Variants in IQCM observed in about 807,000 individuals in gnomAD.
IQCM encodes the protein IQ domain-containing protein M.
IQCM carries 45 observed loss-of-function variants against 57.6 expected under a neutral mutation model. The observed-to-expected ratio is 0.78, with a 90% CI of 0.62 to 1.00. The LOEUF (loss-of-function observed/expected upper bound fraction) is 1.00. Ranked by LOEUF, IQCM falls within the 50% of genes least tolerant of loss-of-function variation. The pLI is 0.00. For synonymous variants in IQCM, 148 were observed against 158.9 expected, an observed-to-expected ratio of 0.93 and a Z score of 0.51; for missense variants, 468 against 511.6, an observed-to-expected ratio of 0.91 and a Z score of 0.82.
intron 12 of IQCM, among the ~76,000 whole-genome samples, chr4:149,486,765 A>G (rs138762124): frequency 6.6e-6 from 1 of 151,956 alleles, no homozygotes. Context: ...ACAAACAAAA[A>G]AGCCCAAGAG....
At chr4:149,728,697 T>C (rs1344998439) in intron 5 of IQCM, among the ~76,000 whole-genome samples, 4 of 152,186 alleles carry the variant, frequency 2.6e-5, no homozygotes, top group African/African-American at 7.2e-5. Flanking sequence ...CCCCATCTAT[T>C]TTCCAAGTAC....
rs539315098 is a variant in IQCM at position 149,636,799 on chromosome 4, C to T, written c.566-15555G>A. 3.9e-4 allele frequency among the ~76,000 whole-genome samples: 59 copies of T among 152,162 alleles called. 2 individuals carry two copies. Among genetic ancestry groups the T allele is most frequent in the African/African-American group, 1.3e-3 (56 of 41,496 alleles). Reference sequence around the variant, plus strand: ...TGTTTTTATTAACAGATGATATGACCAAGTATGTAGAAATCCTGATAAATC... The same window carrying T: ...TGTTTTTATTAACAGATGATATGACTAAGTATGTAGAAATCCTGATAAATC... On this transcript the variant is annotated intron_variant, in intron 7 of 13. Transcript: ENST00000636793.
intron 5 of IQCM, among the ~76,000 whole-genome samples, chr4:149,698,269 A>G (rs960612556): frequency 2.6e-5 from 4 of 152,060 alleles, no homozygotes; most frequent in African/African-American, 4.8e-5. Flanking sequence ...CACTTAGCAA[A>G]GTTTACATTT....
At chr4:149,476,386 A>C (rs1740193396) in intron 12 of IQCM, among the ~76,000 whole-genome samples, 1 of 152,182 alleles carries the variant, frequency 6.6e-6, no homozygotes, top group South Asian at 2.1e-4. Context: ...ATGATGAGTA[A>C]GGATTTGTAT....
intron 7 of IQCM, among the ~76,000 whole-genome samples, chr4:149,660,697 T>C (rs554276090): frequency 4.2e-3 from 643 of 152,076 alleles, no homozygotes; most frequent in Non-Finnish European, 6.7e-3. Flanking sequence ...ATGGATGAAA[T>C]TGGAAATCAT....
intron 8 of IQCM, among the ~76,000 whole-genome samples, chr4:149,601,153 G>T (rs1425699346): frequency 1.3e-5 from 2 of 152,114 alleles, no homozygotes; most frequent in Non-Finnish European, 2.9e-5. Context: ...ACTTTAAAGT[G>T]CTTATAAATC....
intron 13 of IQCM, among the ~76,000 whole-genome samples, chr4:149,374,848 G>T (rs543340425): frequency 6.6e-6 from 1 of 152,136 alleles, no homozygotes; most frequent in East Asian, 1.9e-4. Context: ...CAAAAAAGGA[G>T]TTTAGGTGCT....
chr4:149,673,323 C>T (rs1761468812), intron 7 of IQCM, among the ~76,000 whole-genome samples: 1 of 151,974 alleles, frequency 6.6e-6, no homozygotes, highest in Non-Finnish European at 1.5e-5. Flanking sequence ...AAGACACAGA[C>T]TGGCAAATTG....
At chr4:149,392,421 T>C (rs1731927461) in intron 13 of IQCM, among the ~76,000 whole-genome samples, 1 of 151,998 alleles carries the variant, frequency 6.6e-6, no homozygotes, top group Non-Finnish European at 1.5e-5. Flanking sequence ...CATCATCATA[T>C]AATGTTTTTG....
At chr4:149,759,393 T>C (rs1014093547) in intron 2 of IQCM, among the ~76,000 whole-genome samples, 8 of 152,156 alleles carry the variant, frequency 5.3e-5, no homozygotes, top group African/African-American at 1.4e-4. Context: ...AACCCTCATG[T>C]AAACTATGGG....
intron 12 of IQCM, among the ~76,000 whole-genome samples, chr4:149,537,493 A>G (rs1220060077): frequency 2.6e-5 from 4 of 151,960 alleles, no homozygotes; most frequent in African/African-American, 4.8e-5. Context: ...GTGTACTAAC[A>G]TAAGTATAAT....
intron 7 of IQCM, among the ~76,000 whole-genome samples, chr4:149,669,994 T>C (rs1761110648): frequency 1.3e-5 from 2 of 152,158 alleles, no homozygotes; most frequent in African/African-American, 4.8e-5. Context: ...TTTAAAATAG[T>C]TTTTTCCAAT....
intron 12 of IQCM, among the ~76,000 whole-genome samples, chr4:149,547,264 AGCTTTGT>A (rs1391993510): frequency 6.6e-6 from 1 of 152,196 alleles, no homozygotes; most frequent in African/African-American, 2.4e-5. Context: ...TGATGCCTCC[AGCTTTGT>A]TAAAAAGTGG....
chr4:149,672,374 C>A (rs1386398408), intron 7 of IQCM, among the ~76,000 whole-genome samples: 1 of 152,030 alleles, frequency 6.6e-6, no homozygotes, highest in East Asian at 1.9e-4. Context: ...AGCTAAAAAC[C>A]TTGAAAAAAG....
At chr4:149,741,182 C>T (rs1561221755) in intron 3 of IQCM, among the ~76,000 whole-genome samples, 1 of 152,098 alleles carries the variant, frequency 6.6e-6, no homozygotes, top group South Asian at 2.1e-4. Context: ...TAAGACTCAA[C>T]TCTTCAGTTC....
At chr4:149,604,136 A>G (rs1754568570) in intron 8 of IQCM, among the ~76,000 whole-genome samples, 1 of 152,224 alleles carries the variant, frequency 6.6e-6, no homozygotes, top group South Asian at 2.1e-4. Flanking sequence ...CAAGGCCTAT[A>G]TAGTGGCCTC....
chr4:149,414,687 C>T (rs1178072562), intron 13 of IQCM, among the ~76,000 whole-genome samples: 1 of 151,706 alleles, frequency 6.6e-6, no homozygotes, highest in Admixed American at 6.6e-5. Flanking sequence ...AGATTTATGT[C>T]ATTAATCTTT....
At chr4:149,735,730 T>C (rs954145131) in intron 3 of IQCM, among the ~76,000 whole-genome samples, 6 of 152,152 alleles carry the variant, frequency 3.9e-5, no homozygotes, top group Non-Finnish European at 8.8e-5. Context: ...TATAACAACA[T>C]GTTTTGGGCA....
intron 13 of IQCM, among the ~76,000 whole-genome samples, chr4:149,412,625 C>T (rs1031313811): frequency 6.6e-6 from 1 of 152,090 alleles, no homozygotes; most frequent in Non-Finnish European, 1.5e-5. Flanking sequence ...GATATGGCTC[C>T]CACCTTCCAT....
Sources: allele counts gnomAD v4.1 joint callset (sites outside exome capture counted in the v4.1 genomes callset), GRCh38; gene constraint gnomAD v4.1.1; transcripts MANE v1.5; gene names NCBI Gene and HGNC (gene_info 2026-07-23, HGNC 2026-07-21).